CC2D2B: variants seen among roughly 807,000 people sequenced by gnomAD.
The protein encoded by CC2D2B is coiled-coil and C2 domain containing 2B.
CC2D2B carries 128 observed loss-of-function variants against 161.2 expected under a neutral mutation model. The ratio of observed to expected loss-of-function variants is 0.79; its 90% CI spans 0.69 to 0.92. CC2D2B has a LOEUF of 0.92. Among genes scored for constraint, CC2D2B ranks in the 40% least tolerant of loss-of-function variants. The pLI, the probability that CC2D2B is intolerant of heterozygous loss-of-function variation, is 0.00. For synonymous variants in CC2D2B, 391 were observed against 449.8 expected (o/e 0.87, Z 1.65); for missense variants, 1,173 against 1,375.1 (o/e 0.85, Z 2.32).
At position 95,957,553 on chromosome 10, in the gene CC2D2B, A is replaced by ATTTT. The variant is rs869263327; in HGVS notation, c.1109+2084_1109+2087dup. On this transcript the variant is annotated intron_variant, in intron 11 of 34. Transcript: ENST00000646931. ...CTGGGCACAGAGACAGCTGACAATG[A>ATTTT]TTTTTTTTTTTTTTTTTTTTTTTTT... 4.4e-3 allele frequency among the ~76,000 whole-genome samples: 372 copies of ATTTT among 83,700 alleles called. 23 individuals are homozygous for ATTTT. The highest frequency in any genetic ancestry group is 0.014 in the African/African-American group (279 of 20,626). 54.9% of individuals were successfully genotyped at this position (83,700 alleles called of 152,430 possible).
chr10:95,922,835 G>C (rs919124598), intron 3 of CC2D2B, among the ~76,000 whole-genome samples: 4 of 151,850 alleles, frequency 2.6e-5, no homozygotes, highest in African/African-American at 9.7e-5. Context: ...GTCTTGCTCT[G>C]TTGCCTAAGG....
At chr10:95,926,354 T>G (rs1346100774) in intron 5 of CC2D2B, among the ~76,000 whole-genome samples, 5 of 152,116 alleles carry the variant, frequency 3.3e-5, no homozygotes, top group Non-Finnish European at 7.3e-5. Context: ...TTTTGAGATG[T>G]GCAGAGGTGA....
At position 95,908,027 on chromosome 10, in the gene CC2D2B, C is replaced by T. The variant is rs1411282461; in HGVS notation, c.-54C>T. On this transcript the variant is annotated 5_prime_UTR_variant, in exon 1 of 35. The change creates a premature stop within an existing upstream ORF in the 5' untranslated region. Transcript: ENST00000646931. Reference sequence around the variant, plus strand: ...GATGGTGCGCCCTGCCTTCCCTGCCCAGACGTAAGAAAAGTGCACTGTCCG... The same window carrying T: ...GATGGTGCGCCCTGCCTTCCCTGCCTAGACGTAAGAAAAGTGCACTGTCCG... The T allele has an allele frequency of 6.6e-6, 1 of 152,302 alleles. No individual in the cohort carries two copies. Among genetic ancestry groups the T allele is most frequent in the African/African-American group, 2.4e-5 (1 of 41,466 alleles). 9.4% of individuals were successfully genotyped at this position (152,302 alleles called of 1,614,324 possible).
chr10:95,965,397 AG>A (rs1466626339), intron 12 of CC2D2B, among the ~76,000 whole-genome samples: 7 of 152,162 alleles, frequency 4.6e-5, no homozygotes, highest in African/African-American at 1.7e-4. Flanking sequence ...TAGTAGTAGT[AG>A]TAGCAGCAGC....
chr10:96,002,820 A>G (rs1187826589), intron 24 of CC2D2B, among the ~76,000 whole-genome samples: 2 of 152,066 alleles, frequency 1.3e-5, no homozygotes, highest in Non-Finnish European at 2.9e-5. Flanking sequence ...TCCTTAAGCA[A>G]CAAGATTCAA....
At position 96,031,827 on chromosome 10, in the gene CC2D2B, G is replaced by A. The variant is rs756845207; in HGVS notation, c.4133G>A (p.Gly1378Glu). 19 of 1,612,936 alleles carry A rather than the reference G, an allele frequency of 1.2e-5. No individual in the cohort carries two copies. The highest frequency in any genetic ancestry group is 1.4e-5 in the Non-Finnish European group (17 of 1,179,266). ...ERILQFYWVTGFPIQMPYIDV... is the reference protein window; with the variant it reads ...ERILQFYWVTEFPIQMPYIDV... ...GTTCTGTCTTTGATCCAGGTCACGG[G>A]ATTTCCCATCCAGATGCCATACATT... is the stretch of plus-strand genomic sequence containing the variant. Residue 1378 changes from glycine to glutamate, a missense_variant, in exon 35 of 35, where the codon GGA becomes GAA. Physicochemically the swap from Gly to Glu is moderately conservative, Grantham distance 98. This residue lies in a region of CC2D2B where 598 missense variants were observed against 693.2 expected (regional missense o/e 0.86). Transcript: ENST00000646931.
chr10:96,031,777 CA>C (rs2080076946), intron 34 of CC2D2B, 42 bp from the exon 35 acceptor site: 2 of 1,485,952 alleles, frequency 1.3e-6, no homozygotes, highest in African/African-American at 2.8e-5. Context: ...CCAGATTACC[CA>C]GTTGTAATGT....
At position 96,004,185 on chromosome 10, in the gene CC2D2B, A is replaced by G. The variant is rs1260281589; in HGVS notation, c.2883A>G (p.Leu961=). 6.4e-7 allele frequency: 1 copy of G among 1,556,186 alleles called. No homozygotes were observed. The highest frequency in any genetic ancestry group is 8.7e-7 in the Non-Finnish European group (1 of 1,152,954). The change falls in exon 25 of 35, where the codon TTA becomes TTG. Residue 961 remains leucine (L), a synonymous_variant. Coordinates refer to ENST00000646931, the MANE Select transcript of CC2D2B (RefSeq NM_001349008.3). ...SPGHDYSFSS[L]SKIKDNIYIN... is the part of the protein sequence containing the mutation. ...GACATGATTATAGCTTCTCAAGCTT[A>G]TCTAAAATAAAAGATAACATATATA...
At chr10:96,025,184 T>A (rs11596549) in intron 33 of CC2D2B, among the ~76,000 whole-genome samples, 7,836 of 20,210 alleles carry the variant, frequency 0.39, 834 homozygotes, top group East Asian at 0.66. Flanking sequence ...TATATATATA[T>A]AAAAAAAAAT....
chr10:95,939,209 G>C (rs1231471180), intron 9 of CC2D2B, among the ~76,000 whole-genome samples: 1 of 152,024 alleles, frequency 6.6e-6, no homozygotes, highest in African/African-American at 2.4e-5. Context: ...GATACTCAAG[G>C]TAGCCACTAT....
intron 12 of CC2D2B, among the ~76,000 whole-genome samples, chr10:95,962,768 T>TG (rs2076808560): frequency 6.6e-6 from 1 of 151,448 alleles, no homozygotes; most frequent in Non-Finnish European, 1.5e-5. Context: ...CAGTAGTTTT[T>TG]TTTTTTTTTT....
chr10:95,992,560 A>C lies in CC2D2B; in HGVS notation c.2505A>C (p.Glu835Asp). 4 of 1,234,252 alleles carry C rather than the reference A, an allele frequency of 3.2e-6. No homozygotes were observed. Among genetic ancestry groups the C allele is most frequent in the Non-Finnish European group, 4.0e-6 (4 of 988,064 alleles). 76.5% of individuals were successfully genotyped at this position (1,234,252 alleles called of 1,614,324 possible). ...CAGATGCAGTTTGTAAGTTTGTTGA[A>C]CCACGGAGAAAGTTAAAACCTCAGA... ...QLTDAVCKFV[E>D]PRRKLKPQRK... The change falls in exon 22 of 35, where the codon GAA (glutamate) becomes GAC (aspartate). Residue 835 changes from glutamate to aspartate, a missense_variant. By Grantham distance (45) the Glu-to-Asp change is conservative. Coordinates refer to ENST00000646931, the MANE Select transcript of CC2D2B (RefSeq NM_001349008.3).
chr10:96,019,321 T>C lies in CC2D2B; in HGVS notation c.3749T>C (p.Leu1250Ser). ...PFCPLKSVDCLFDDRNVWFNI... is the reference protein window; with the variant it reads ...PFCPLKSVDCSFDDRNVWFNI... ...TGTCCCTTAAAAAGTGTAGATTGTT[T>C]GTTTGATGATAGAAATGTAAGTATA... The change falls in exon 31 of 35, where the codon TTG becomes TCG. Residue 1250 changes from leucine (L) to serine (S), a missense_variant. Coordinates refer to ENST00000646931, the MANE Select transcript of CC2D2B (RefSeq NM_001349008.3). The C allele has an allele frequency of 1.2e-6, 2 of 1,609,666 alleles. No individual in the cohort carries two copies. The highest frequency in any genetic ancestry group is 1.7e-6 in the Non-Finnish European group (2 of 1,178,786).
intron 12 of CC2D2B, among the ~76,000 whole-genome samples, chr10:95,963,467 C>T (rs1380564925): frequency 1.3e-5 from 2 of 152,048 alleles, no homozygotes; most frequent in African/African-American, 4.8e-5. Flanking sequence ...TGAGATATCT[C>T]TAAATAAGGT....
chr10:95,927,034 A>G (rs1257889070), intron 5 of CC2D2B, among the ~76,000 whole-genome samples: 1 of 152,114 alleles, frequency 6.6e-6, no homozygotes, highest in Non-Finnish European at 1.5e-5. Context: ...TCTTGCAGTT[A>G]CCCGAACATT....
intron 33 of CC2D2B, among the ~76,000 whole-genome samples, chr10:96,026,805 A>G (rs1407757478): frequency 6.6e-6 from 1 of 152,138 alleles, no homozygotes; most frequent in African/African-American, 2.4e-5. Flanking sequence ...TCCTAAGTCC[A>G]AAAAGTATCA....
intron 9 of CC2D2B, among the ~76,000 whole-genome samples, chr10:95,946,510 G>A (rs765408949): frequency 1.3e-5 from 2 of 152,140 alleles, no homozygotes; most frequent in Admixed American, 6.5e-5. Flanking sequence ...GTTTTAAATG[G>A]AAAATGATTT....
chr10:95,980,414 T>TTTG lies in CC2D2B; in HGVS notation c.1944-1537_1944-1535dup, dbSNP rs143673703. Among the ~76,000 whole-genome samples the TTTG allele has an allele frequency of 5.1e-3, 776 of 151,988 alleles. 5 individuals are homozygous for TTTG. Among genetic ancestry groups the TTTG allele is most frequent in the East Asian group, 0.013 (67 of 5,174 alleles). On this transcript the variant is annotated intron_variant, in intron 17 of 34. Transcript: ENST00000646931. ...AATTCAATTACAACTTTCTTTGTTG[T>TTTG]TTGTTGTTGTTGTTGTTGTTGTTGT...
intron 5 of CC2D2B, among the ~76,000 whole-genome samples, chr10:95,926,836 G>C (rs915076329): frequency 7.3e-6 from 1 of 136,586 alleles, no homozygotes; most frequent in Non-Finnish European, 1.6e-5. Flanking sequence ...GTGTGTGTGT[G>C]TGTGTGTGTG....
Sources: gnomAD v4.1 joint callset for allele counts (sites outside exome capture counted in the v4.1 genomes callset) on GRCh38, gnomAD v4.1.1 for gene constraint, gnomAD v4.1.1 regional missense constraint, MANE v1.5 for transcripts, NCBI Gene and HGNC (gene_info 2026-07-23, HGNC 2026-07-21) for gene names.